MIR2052HG: variants seen among roughly 807,000 people sequenced by gnomAD.
MIR2052HG encodes the protein MIR2052 host gene.
chr8:74,632,859 A>G (rs1808533829), intron 2 of MIR2052HG, among the ~76,000 whole-genome samples: 1 of 152,028 alleles, frequency 6.6e-6, no homozygotes, highest in South Asian at 2.1e-4. Context: ...CACTGTTTTT[A>G]TAATAGTCTC....
chr8:74,728,488 C>A (rs1201428216), intron 4 of MIR2052HG, among the ~76,000 whole-genome samples: 1 of 152,160 alleles, frequency 6.6e-6, no homozygotes, highest in Non-Finnish European at 1.5e-5. Context: ...CTGTGCTGAA[C>A]AATTGATATA....
chr8:74,644,338 C>A (rs1005114272), intron 2 of MIR2052HG, among the ~76,000 whole-genome samples: 1 of 152,166 alleles, frequency 6.6e-6, no homozygotes, highest in African/African-American at 2.4e-5. Flanking sequence ...CAGATACTTA[C>A]CACTGTGTTA....
chr8:74,657,910 A>G (rs994713655), intron 2 of MIR2052HG, among the ~76,000 whole-genome samples: 1 of 152,060 alleles, frequency 6.6e-6, no homozygotes, highest in African/African-American at 2.4e-5. Flanking sequence ...GCATTTTCAC[A>G]AGATCCCTAG....
At chr8:74,701,613 GCTT>G (rs1239518415) in intron 2 of MIR2052HG, among the ~76,000 whole-genome samples, 1 of 151,974 alleles carries the variant, frequency 6.6e-6, no homozygotes, top group East Asian at 1.9e-4. Flanking sequence ...TGTCTCTTTT[GCTT>G]CTTGTCATTT....
At chr8:74,651,917 G>C (rs148819508) in intron 2 of MIR2052HG, among the ~76,000 whole-genome samples, 1 of 152,164 alleles carries the variant, frequency 6.6e-6, no homozygotes, top group African/African-American at 2.4e-5. Flanking sequence ...AAGAAAGGTA[G>C]CAAGCCTATC....
intron 2 of MIR2052HG, among the ~76,000 whole-genome samples, chr8:74,683,667 T>G (rs1809148769): frequency 6.6e-6 from 1 of 152,112 alleles, no homozygotes. Flanking sequence ...TAACGTTTAT[T>G]TTTATGTTCT....
At chr8:74,677,229 C>G (rs1350160753) in intron 2 of MIR2052HG, among the ~76,000 whole-genome samples, 1 of 151,960 alleles carries the variant, frequency 6.6e-6, no homozygotes, top group Non-Finnish European at 1.5e-5. Context: ...AGTTCATAAA[C>G]ACATCACCAT....
intron 3 of MIR2052HG, among the ~76,000 whole-genome samples, chr8:74,703,374 A>G (rs73687250): frequency 1.4e-3 from 208 of 152,170 alleles, no homozygotes; most frequent in African/African-American, 4.8e-3. Flanking sequence ...AAAGAAACCT[A>G]TGGTCTTTTA....
chr8:74,669,222 A>C (rs1808964484), intron 2 of MIR2052HG, among the ~76,000 whole-genome samples: 1 of 152,312 alleles, frequency 6.6e-6, no homozygotes, highest in Non-Finnish European at 1.5e-5. Context: ...ACTGCCAGTC[A>C]TCTAGATACT....
At chr8:74,637,601 A>G in intron 2 of MIR2052HG, among the ~76,000 whole-genome samples, 1 of 152,198 alleles carries the variant, frequency 6.6e-6, no homozygotes, top group East Asian at 1.9e-4. Context: ...CACACTTTGG[A>G]GAACTTTCAT....
At chr8:74,687,905 G>A (rs1442321792) in intron 2 of MIR2052HG, among the ~76,000 whole-genome samples, 1 of 152,050 alleles carries the variant, frequency 6.6e-6, no homozygotes, top group Non-Finnish European at 1.5e-5. Context: ...TGATTGTGGT[G>A]GTGTTATCAC....
intron 3 of MIR2052HG, among the ~76,000 whole-genome samples, chr8:74,702,767 A>G (rs1374913317): frequency 3.3e-5 from 5 of 152,136 alleles, no homozygotes; most frequent in Non-Finnish European, 7.4e-5. Flanking sequence ...TCTTGGCCAA[A>G]TGGCTAAAAT....
chr8:74,669,336 C>T (rs1182063582), intron 2 of MIR2052HG, among the ~76,000 whole-genome samples: 1 of 152,120 alleles, frequency 6.6e-6, no homozygotes, highest in South Asian at 2.1e-4. Context: ...CATCCCAAAC[C>T]CAATTGCCTC....
chr8:74,699,472 A>G (rs1382825716), intron 2 of MIR2052HG, among the ~76,000 whole-genome samples: 1 of 151,880 alleles, frequency 6.6e-6, no homozygotes, highest in African/African-American at 2.4e-5. Context: ...AAAAGGAACA[A>G]AATAATGGCA....
At chr8:74,600,129 G>A (rs1399557505) in intron 1 of MIR2052HG, among the ~76,000 whole-genome samples, 1 of 152,120 alleles carries the variant, frequency 6.6e-6, no homozygotes, top group African/African-American at 2.4e-5. Context: ...CCACTGTCTG[G>A]CACTCCCTAG....
Position 74,738,041 on chromosome 8 carries a change from CATGT to C in MIR2052HG, n.372-14389_372-14386del, listed in dbSNP as rs151115412. On this transcript the variant is annotated intron_variant and non_coding_transcript_variant, in intron 4 of 6. Coordinates refer to ENST00000523442, the Ensembl canonical transcript of MIR2052HG. ...TGTATGTATATATCTGTTATGTATG[CATGT>C]ATGTATGTATCTATCATTTATGTAT... Among the ~76,000 whole-genome samples, 1,467 of 151,526 alleles carry C rather than the reference CATGT, an allele frequency of 9.7e-3. 20 individuals are homozygous for C. Among genetic ancestry groups the C allele is most frequent in the African/African-American group, 0.033 (1,378 of 41,296 alleles).
At chr8:74,603,370 C>A (rs1023793173) in intron 1 of MIR2052HG, 11 of 1,611,316 alleles carry the variant, frequency 6.8e-6, no homozygotes, top group Non-Finnish European at 8.5e-6. Context: ...GGCAGCAGAT[C>A]CAGTGATGGT....
chr8:74,641,473 A>AT (rs1262742648), intron 2 of MIR2052HG, among the ~76,000 whole-genome samples: 2 of 152,024 alleles, frequency 1.3e-5, no homozygotes, highest in Non-Finnish European at 2.9e-5. Flanking sequence ...AAAGAAGCTC[A>AT]TTTTTTTCTT....
intron 4 of MIR2052HG, among the ~76,000 whole-genome samples, chr8:74,716,055 C>T (rs1017711818): frequency 5.9e-5 from 9 of 152,104 alleles, no homozygotes; most frequent in Non-Finnish European, 1.3e-4. Context: ...GGTAGGAGGA[C>T]GGGGAAGCAA....
Sources: gnomAD v4.1 joint callset for allele counts (sites outside exome capture counted in the v4.1 genomes callset) on GRCh38, gnomAD v4.1.1 for gene constraint, MANE v1.5 for transcripts, NCBI Gene and HGNC (gene_info 2026-07-23, HGNC 2026-07-21) for gene names.